The following GLRA3 variants were observed in gnomAD, a reference collection of about 807,000 sequenced individuals.
The protein encoded by GLRA3 is glycine receptor subunit alpha-3.
Under a neutral mutation model 60.4 loss-of-function variants are expected in GLRA3, and 44 were observed. The ratio of observed to expected loss-of-function variants is 0.73; its 90% CI spans 0.57 to 0.94. GLRA3 has a LOEUF of 0.94. Ranked by LOEUF, GLRA3 falls within the 40% of genes least tolerant of loss-of-function variation. GLRA3 has a pLI of 0.00. For missense variants in GLRA3, 508 were observed against 564.6 expected, an observed-to-expected ratio of 0.90 and a Z score of 1.02; for synonymous variants, 223 against 192.9, an observed-to-expected ratio of 1.16 and a Z score of -1.29.
chr4:174,759,030 A>G (rs1211859105), intron 3 of GLRA3, among the ~76,000 whole-genome samples: 2 of 152,152 alleles, frequency 1.3e-5, no homozygotes, highest in African/African-American at 2.4e-5. Context: ...GAATTTTGAT[A>G]AAGGATATTT....
At chr4:174,646,189 G>A (rs780776050) in intron 9 of GLRA3, among the ~76,000 whole-genome samples, 24 of 152,190 alleles carry the variant, frequency 1.6e-4, no homozygotes, top group Non-Finnish European at 7.3e-5. Context: ...TAGCTGATGT[G>A]CTTAGTAAAG....
chr4:174,791,139 TATAAAG>T (rs1253034729), intron 1 of GLRA3, among the ~76,000 whole-genome samples: 1 of 152,098 alleles, frequency 6.6e-6, no homozygotes, highest in Non-Finnish European at 1.5e-5. Context: ...TATATGTATG[TATAAAG>T]ATACATGAAA....
intron 1 of GLRA3, among the ~76,000 whole-genome samples, chr4:174,825,608 T>C (rs1415095809): frequency 6.6e-6 from 1 of 152,106 alleles, no homozygotes; most frequent in Non-Finnish European, 1.5e-5. Flanking sequence ...TCATCACTTA[T>C]CTGCATTTCA....
At chr4:174,678,602 G>GT (rs1734219151) in intron 6 of GLRA3, among the ~76,000 whole-genome samples, 1 of 152,160 alleles carries the variant, frequency 6.6e-6, no homozygotes, top group East Asian at 1.9e-4. Flanking sequence ...ACCCATGCAT[G>GT]TGTTTCCAGA....
At chr4:174,711,792 T>C (rs1429981529) in intron 5 of GLRA3, among the ~76,000 whole-genome samples, 1 of 152,180 alleles carries the variant, frequency 6.6e-6, no homozygotes, top group East Asian at 1.9e-4. Flanking sequence ...TTTTCTGCCA[T>C]TAATTTTTTT....
chr4:174,764,170 T>C (rs1001208115), intron 3 of GLRA3, among the ~76,000 whole-genome samples: 9 of 152,182 alleles, frequency 5.9e-5, no homozygotes, highest in African/African-American at 1.7e-4. Context: ...GAAAAATACA[T>C]TGTTTGAATT....
At chr4:174,673,901 C>T (rs1015583276) in intron 7 of GLRA3, among the ~76,000 whole-genome samples, 1 of 152,254 alleles carries the variant, frequency 6.6e-6, no homozygotes, top group East Asian at 1.9e-4. Context: ...TACTTGAATG[C>T]TACCCTTGAC....
Position 174,637,225 on chromosome 4 carries a change from T to C in GLRA3, c.*6561A>G, listed in dbSNP as rs571013298. The C allele has an allele frequency of 1.6e-4, 25 of 152,290 alleles. No homozygotes were observed. The highest frequency in any genetic ancestry group is 6.0e-4 in the African/African-American group (25 of 41,568). 9.4% of individuals were successfully genotyped at this position (152,290 alleles called of 1,614,324 possible). ...AACCATAAAATAGCAATACTTCTTTTGGTAGTCCTTTAAACAACTTGACTC... is the reference window on the plus strand; with the variant it reads ...AACCATAAAATAGCAATACTTCTTTCGGTAGTCCTTTAAACAACTTGACTC... On this transcript the variant is annotated 3_prime_UTR_variant, in exon 10 of 10. Transcript: ENST00000274093.
intron 5 of GLRA3, among the ~76,000 whole-genome samples, chr4:174,684,804 T>C (rs11737591): frequency 0.18 from 27,764 of 152,064 alleles, 2,804 homozygotes; most frequent in East Asian, 0.34. Flanking sequence ...AGTCAGGAGT[T>C]TGAGACCAGC....
At chr4:174,680,618 G>C (rs1477580299) in intron 6 of GLRA3, among the ~76,000 whole-genome samples, 1 of 152,110 alleles carries the variant, frequency 6.6e-6, no homozygotes, top group Non-Finnish European at 1.5e-5. Flanking sequence ...ATATAAGCAA[G>C]CAAGTCATTG....
chr4:174,761,411 C>T (rs1737940782), intron 3 of GLRA3, among the ~76,000 whole-genome samples: 1 of 152,114 alleles, frequency 6.6e-6, no homozygotes, highest in Non-Finnish European at 1.5e-5. Flanking sequence ...GGTTTGGACA[C>T]TTCTGTGAGA....
intron 1 of GLRA3, among the ~76,000 whole-genome samples, chr4:174,795,017 A>T (rs1739505121): frequency 6.6e-6 from 1 of 151,134 alleles, no homozygotes; most frequent in Admixed American, 6.6e-5. Context: ...GAAAAAAGTT[A>T]GAAATAAATA....
At chr4:174,678,943 T>A (rs961391644) in intron 6 of GLRA3, among the ~76,000 whole-genome samples, 1 of 152,200 alleles carries the variant, frequency 6.6e-6, no homozygotes, top group African/African-American at 2.4e-5. Context: ...ATACTTTGTA[T>A]AAATTCTCTA....
In GLRA3 at chr4:174,829,080, G is replaced by C. The variant is rs772484004; in HGVS notation, c.-269C>G. 8.3e-6 allele frequency: 3 copies of C among 363,142 alleles called. No individual in the cohort carries two copies. The highest frequency in any genetic ancestry group is 1.5e-5 in the Non-Finnish European group (3 of 196,078). The allele number at this position is 363,142 out of a possible 1,614,324, so 22.5% of individuals were successfully genotyped here. A position where few individuals can be genotyped will look rare whatever the true frequency, so the allele number is the denominator to read the frequency against. ...TGAGATGAAATGTCTGAAGTGCCTA[G>C]GTGCTGGGCAACAGTTCTCTAAAGC... On this transcript the variant is annotated 5_prime_UTR_variant, in exon 1 of 10. Transcript: ENST00000274093.
intron 4 of GLRA3, among the ~76,000 whole-genome samples, chr4:174,726,528 G>T (rs1310273935): frequency 6.6e-6 from 1 of 152,194 alleles, no homozygotes; most frequent in East Asian, 1.9e-4. Flanking sequence ...ATTTGCTAGA[G>T]AAATTAGGCT....
At chr4:174,749,513 T>G (rs1456465218) in intron 3 of GLRA3, among the ~76,000 whole-genome samples, 1 of 152,090 alleles carries the variant, frequency 6.6e-6, no homozygotes, top group Non-Finnish European at 1.5e-5. Context: ...TCAGTTAAAT[T>G]TTTTACCTAT....
In GLRA3 at chr4:174,814,486, C is replaced by T. The variant is rs1029702042; in HGVS notation, c.71+14255G>A. ...CTTTTTCTGCCACTCTGCCACTCTGCCAGTGGAGCTTGGAAAGCTTGATGT... is the reference window on the plus strand; with the variant it reads ...CTTTTTCTGCCACTCTGCCACTCTGTCAGTGGAGCTTGGAAAGCTTGATGT... On this transcript the variant is annotated intron_variant, in intron 1 of 9. Transcript: ENST00000274093. 2.0e-5 allele frequency among the ~76,000 whole-genome samples: 3 copies of T among 152,250 alleles called. No homozygotes were observed. In the East Asian group the frequency reaches 5.8e-4, roughly 29 times the overall value.
At chr4:174,774,468 T>G in intron 2 of GLRA3, among the ~76,000 whole-genome samples, 1 of 61,314 alleles carries the variant, frequency 1.6e-5, no homozygotes, top group South Asian at 6.5e-4. Context: ...ACCAACTTAA[T>G]CAGGTAATCA....
rs528993335 is a variant in GLRA3, at chr4:174,745,524, C to T, written c.268-16826G>A. ...TATTTTCATAGTTTTGGGTCTAACA[C>T]TTAAGACCCATTTAAGTGCTGACTT... On this transcript the variant is annotated intron_variant, in intron 3 of 9. Coordinates refer to ENST00000274093, the MANE Select transcript of GLRA3 (RefSeq NM_006529.4). Among the ~76,000 whole-genome samples the T allele has an allele frequency of 1.2e-4, 19 of 152,264 alleles. No individual in the cohort carries two copies. In the South Asian group the frequency reaches 3.9e-3, roughly 32 times the overall value.
Sources: gnomAD v4.1 joint callset for allele counts (sites outside exome capture counted in the v4.1 genomes callset) on GRCh38, gnomAD v4.1.1 for gene constraint, MANE v1.5 for transcripts, NCBI Gene and HGNC (gene_info 2026-07-23, HGNC 2026-07-21) for gene names.